Variants in GYS2 observed in about 807,000 individuals in gnomAD.
GYS2 encodes glycogen [starch] synthase, liver.
A neutral mutation model predicts 85.6 loss-of-function variants in GYS2; 80 were observed. That is an observed-to-expected ratio of 0.93 (90% CI 0.78 to 1.13). The LOEUF (loss-of-function observed/expected upper bound fraction) is 1.13. GYS2 is among the 50% of genes most tolerant of loss of function. GYS2 has a pLI of 0.00. For synonymous variants in GYS2, 328 were observed against 300.7 expected, an observed-to-expected ratio of 1.09 and a Z score of -0.94; for missense variants, 881 against 854.9, an observed-to-expected ratio of 1.03 and a Z score of -0.38.
At chr12:21,546,212 C>G in intron 12 of GYS2, 132 bp downstream of exon 12, 2 of 645,996 alleles carry the variant, frequency 3.1e-6, no homozygotes, top group Non-Finnish European at 5.0e-6. Flanking sequence ...TAAATCCAAC[C>G]AAAATTTTTT....
At chr12:21,566,667 T>C (rs1201068232) in intron 5 of GYS2, among the ~76,000 whole-genome samples, 1 of 152,198 alleles carries the variant, frequency 6.6e-6, no homozygotes, top group Non-Finnish European at 1.5e-5. Flanking sequence ...CTGAGTTTTT[T>C]CCATATGTTA....
rs1373083624 is a variant in GYS2 at position 21,540,426 on chromosome 12, C to G, written c.1793G>C (p.Trp598Ser). The change falls in exon 14 of 16, where the codon TGG becomes TCG. Residue 598 changes from tryptophan to serine, a missense_variant. Trp to Ser is a radical substitution (Grantham distance 177). Transcript: ENST00000261195. The part of the protein sequence containing the change: ...RTERLSDLLD[W>S]RYLGRYYQHA... ...CTTGCTTACTCTGCCTAAGTATCTCCAATCCAGAAGATCTGAGAGCCTCTC... is the reference window on the plus strand; with the variant it reads ...CTTGCTTACTCTGCCTAAGTATCTCGAATCCAGAAGATCTGAGAGCCTCTC... The G allele has an allele frequency of 6.2e-7, 1 of 1,614,034 alleles. No homozygotes were observed. Among genetic ancestry groups the G allele is most frequent in the East Asian group, 2.2e-5 (1 of 44,872 alleles).
chr12:21,548,214 A>AT (rs890772734), intron 11 of GYS2, among the ~76,000 whole-genome samples: 1 of 151,640 alleles, frequency 6.6e-6, no homozygotes, highest in African/African-American at 2.4e-5. Flanking sequence ...CATGGAGAAA[A>AT]TTTTTTTTTT....
chr12:21,563,998 A>G (rs553091188), intron 5 of GYS2, among the ~76,000 whole-genome samples: 1 of 152,148 alleles, frequency 6.6e-6, no homozygotes, highest in Non-Finnish European at 1.5e-5. Flanking sequence ...CAACTGATTC[A>G]TTCTTCCCAG....
At chr12:21,543,581 T>G (rs1944004006) in intron 12 of GYS2, among the ~76,000 whole-genome samples, 1 of 101,686 alleles carries the variant, frequency 9.8e-6, no homozygotes. Context: ...CTTATTTTCT[T>G]TTTTAAAAAA....
In GYS2 at chr12:21,539,297, A is replaced by G; in HGVS notation, c.1851T>C (p.Phe617=). Residue 617 remains phenylalanine, a synonymous_variant, in exon 15 of 16, where the codon TTT becomes TTC. Coordinates refer to ENST00000261195, the MANE Select transcript of GYS2 (RefSeq NM_021957.4). ...TTAGTTCCACATGGAATTTATCTGGAAAAGCTCTGCTTAATGTCAGGTGTC... is the reference window on the plus strand; with the variant it reads ...TTAGTTCCACATGGAATTTATCTGGGAAAGCTCTGCTTAATGTCAGGTGTC... ...HARHLTLSRA[F]PDKFHVELTS... 6.2e-7 allele frequency: 1 copy of G among 1,606,464 alleles called. No homozygotes were observed. Among genetic ancestry groups the G allele is most frequent in the Non-Finnish European group, 8.5e-7 (1 of 1,173,126 alleles).
At chr12:21,590,966 A>G in intron 1 of GYS2, among the ~76,000 whole-genome samples, 1 of 152,190 alleles carries the variant, frequency 6.6e-6, no homozygotes. Context: ...CAACACCAAG[A>G]TACATCTTCA....
Position 21,546,281 on chromosome 12 carries a change from A to T in GYS2, c.1549+63T>A. 7 of 1,110,726 alleles carry T rather than the reference A, an allele frequency of 6.3e-6. No individual in the cohort carries two copies. In the South Asian group the frequency reaches 9.8e-5, roughly 16 times the overall value. The allele number at this position is 1,110,726 out of a possible 1,614,324, so 68.8% of individuals were successfully genotyped here. On this transcript the variant is annotated intron_variant, in intron 12 of 15. Transcript: ENST00000261195. ...AATATCAACTTTGAATATTATATATATGCACATAAAATAATATACTAACAA... is the reference window on the plus strand; with the variant it reads ...AATATCAACTTTGAATATTATATATTTGCACATAAAATAATATACTAACAA...
chr12:21,585,165 C>G (rs917152966), intron 1 of GYS2, among the ~76,000 whole-genome samples: 5 of 152,318 alleles, frequency 3.3e-5, no homozygotes, highest in African/African-American at 1.2e-4. Context: ...TAGTGTTCCA[C>G]TAGCAAAATT....
At chr12:21,598,175 T>C (rs575078089) in intron 1 of GYS2, among the ~76,000 whole-genome samples, 7 of 152,110 alleles carry the variant, frequency 4.6e-5, no homozygotes, top group Non-Finnish European at 1.0e-4. Flanking sequence ...ATATATTGTA[T>C]ATTTCAAAAT....
chr12:21,557,584 A>G (rs1318563330), intron 11 of GYS2, among the ~76,000 whole-genome samples: 1 of 152,208 alleles, frequency 6.6e-6, no homozygotes, highest in Non-Finnish European at 1.5e-5. Flanking sequence ...TAATTCTTAG[A>G]ATAATTGGTA....
chr12:21,572,662 G>A (rs1289638732), intron 4 of GYS2, among the ~76,000 whole-genome samples: 2 of 152,160 alleles, frequency 1.3e-5, no homozygotes, highest in Non-Finnish European at 2.9e-5. Context: ...TTAAACTAGA[G>A]AGATGTGTGA....
intron 8 of GYS2, among the ~76,000 whole-genome samples, chr12:21,560,046 A>G (rs1039190898): frequency 1.3e-5 from 2 of 152,116 alleles, no homozygotes; most frequent in Admixed American, 6.6e-5. Context: ...TTGAATCTGA[A>G]CTATGAGTAT....
intron 1 of GYS2, among the ~76,000 whole-genome samples, chr12:21,587,696 C>A (rs927717161): frequency 1.3e-5 from 2 of 151,974 alleles, no homozygotes; most frequent in Admixed American, 6.6e-5. Context: ...CGAACTAGTA[C>A]ATACCTTCTA....
intron 1 of GYS2, among the ~76,000 whole-genome samples, chr12:21,586,148 G>A (rs775839387): frequency 6.6e-6 from 1 of 152,118 alleles, no homozygotes; most frequent in African/African-American, 2.4e-5. Context: ...CCCTTAATCT[G>A]GGTGGGCACC....
At chr12:21,603,228 TA>T (rs1944772907) in intron 1 of GYS2, among the ~76,000 whole-genome samples, 1 of 152,146 alleles carries the variant, frequency 6.6e-6, no homozygotes, top group Admixed American at 6.5e-5. Flanking sequence ...CACTTCTCTG[TA>T]ATAAGGTTTC....
chr12:21,593,022 C>T (rs552089268), intron 1 of GYS2, among the ~76,000 whole-genome samples: 1 of 151,992 alleles, frequency 6.6e-6, no homozygotes, highest in African/African-American at 2.4e-5. Context: ...ACAACATGCT[C>T]CTGAATGAAC....
intron 1 of GYS2, among the ~76,000 whole-genome samples, chr12:21,589,415 A>G (rs962614700): frequency 5.9e-5 from 9 of 152,262 alleles, no homozygotes; most frequent in Admixed American, 5.9e-4. Context: ...TCTATTAGAA[A>G]TAAAAACATA....
chr12:21,568,795 G>C, intron 5 of GYS2, 70 bp downstream of exon 5: 2 of 1,398,090 alleles, frequency 1.4e-6, no homozygotes, highest in South Asian at 1.2e-5. Context: ...ACTTCACGAT[G>C]GAAAACAAAA....
Sources: allele counts gnomAD v4.1 joint callset (sites outside exome capture counted in the v4.1 genomes callset), GRCh38; gene constraint gnomAD v4.1.1; transcripts MANE v1.5; gene names NCBI Gene and HGNC (gene_info 2026-07-23, HGNC 2026-07-21).